DMD: variants seen among roughly 807,000 people sequenced by gnomAD.
DMD encodes the protein mutant dystrophin.
A neutral mutation model predicts 330.1 loss-of-function variants in DMD; 63 were observed. The observed-to-expected ratio is 0.19, with a 90% CI of 0.16 to 0.24. The LOEUF is 0.24. DMD is among the 10% of genes least tolerant of loss of function. The pLI, the probability that DMD is intolerant of heterozygous loss-of-function variation, is 1.00. For missense variants in DMD, 3,344 were observed against 2,684.1 expected, an observed-to-expected ratio of 1.25 and a Z score of -5.43; for synonymous variants, 1,223 against 959.8, an observed-to-expected ratio of 1.27 and a Z score of -5.07.
Position 31,279,973 on chromosome X carries a change from A to G in DMD, c.9225-18957T>C, listed in dbSNP as rs776889005. Among the ~76,000 whole-genome samples the G allele has an allele frequency of 4.4e-5, 5 of 112,504 alleles. No homozygotes were observed. The East Asian group carries it at 1.4e-3, about 31-fold the overall frequency. On this transcript the variant is annotated intron_variant, in intron 62 of 78. Transcript: ENST00000357033. The stretch of plus-strand genomic sequence containing the variant: ...GTTTACTATGTTGTCCTTTACAGAA[A>G]ATGTTTGCTGACCTCAGTGTTAAGC...
chrX:32,988,530 G>C (rs1602439642), intron 2 of DMD, among the ~76,000 whole-genome samples: 1 of 112,253 alleles, frequency 8.9e-6, no homozygotes, highest in Non-Finnish European at 1.9e-5. Flanking sequence ...AGGCTGTCAG[G>C]CCAGCCACAT....
chrX:31,672,975 C>T (rs1366040275), intron 53 of DMD, among the ~76,000 whole-genome samples: 1 of 112,448 alleles, frequency 8.9e-6, no homozygotes, highest in African/African-American at 3.2e-5. Context: ...GGAGCTAGGG[C>T]TTTTCCTAGA....
At chrX:33,017,027 T>C (rs954447881) in intron 2 of DMD, among the ~76,000 whole-genome samples, 1 of 111,957 alleles carries the variant, frequency 8.9e-6, no homozygotes, top group African/African-American at 3.2e-5. Flanking sequence ...GAGATAAATA[T>C]TGTTCAGTTA....
intron 11 of DMD, among the ~76,000 whole-genome samples, chrX:32,631,444 C>CA (rs1374326220): frequency 8.9e-6 from 1 of 111,758 alleles, no homozygotes; most frequent in Admixed American, 9.5e-5. Flanking sequence ...GGTGGGTTTG[C>CA]AAGATCCTAT....
intron 44 of DMD, among the ~76,000 whole-genome samples, chrX:32,092,757 T>TTTTA: frequency 1.4e-5 from 1 of 70,421 alleles, no homozygotes; most frequent in Non-Finnish European, 2.7e-5. Context: ...TTTTTTTTTT[T>TTTTA]ATAGAAACAC....
At chrX:31,584,887 C>T in intron 55 of DMD, among the ~76,000 whole-genome samples, 3 of 111,374 alleles carry the variant, frequency 2.7e-5, no homozygotes, top group Non-Finnish European at 5.7e-5. Flanking sequence ...CAGAACAAGG[C>T]TCAGAGGAGA....
At chrX:31,869,808 G>A (rs943040521) in intron 48 of DMD, among the ~76,000 whole-genome samples, 7 of 110,852 alleles carry the variant, frequency 6.3e-5, no homozygotes, top group African/African-American at 9.8e-5. Flanking sequence ...AACCTCTTCC[G>A]TGCCATGCTC....
intron 7 of DMD, among the ~76,000 whole-genome samples, chrX:32,794,865 T>C (rs2076072574): frequency 8.9e-6 from 1 of 111,955 alleles, no homozygotes; most frequent in Admixed American, 9.5e-5. Flanking sequence ...AGCATTTCTA[T>C]ATACCAATAA....
At chrX:33,005,955 C>T (rs1569548464) in intron 2 of DMD, among the ~76,000 whole-genome samples, 1 of 111,334 alleles carries the variant, frequency 9.0e-6, no homozygotes, top group Non-Finnish European at 1.9e-5. Flanking sequence ...TACACACCAG[C>T]AGTGAACAAG....
chrX:31,644,065 T>C (rs2079938424), intron 54 of DMD, among the ~76,000 whole-genome samples: 1 of 111,689 alleles, frequency 9.0e-6, no homozygotes, highest in Non-Finnish European at 1.9e-5. Context: ...CTTTCAAAGT[T>C]AGAATAATAA....
intron 44 of DMD, among the ~76,000 whole-genome samples, chrX:32,175,224 G>C (rs1264456831): frequency 9.0e-6 from 1 of 111,124 alleles, no homozygotes; most frequent in Non-Finnish European, 1.9e-5. Context: ...GAACTTTTCT[G>C]TCTTACAAGA....
chrX:31,343,406 C>T lies in DMD; in HGVS notation c.9163+5150G>A, dbSNP rs192353019. On this transcript the variant is annotated intron_variant, in intron 61 of 78. Transcript: ENST00000357033. ...CGGAGAAGGGTCATATTTCACAATG[C>T]TTTTCTCTTCTCATTTTCTCTTAGA... Among the ~76,000 whole-genome samples, 508 of 111,136 alleles carry T rather than the reference C, an allele frequency of 4.6e-3. 3 individuals carry two copies. The highest frequency in any genetic ancestry group is 8.6e-3 in the Admixed American group (89 of 10,368).
At chrX:32,589,244 T>TA (rs2054617488) in intron 13 of DMD, among the ~76,000 whole-genome samples, 1 of 111,610 alleles carries the variant, frequency 9.0e-6, no homozygotes, top group African/African-American at 3.3e-5. Flanking sequence ...CCTGCTAAGA[T>TA]AGAGTACCAA....
At chrX:31,636,548 G>A (rs947245124) in intron 54 of DMD, among the ~76,000 whole-genome samples, 1 of 111,117 alleles carries the variant, frequency 9.0e-6, no homozygotes, top group African/African-American at 3.3e-5. Context: ...TTTCAGGGAA[G>A]CTGGGTGAGT....
At chrX:31,222,211 A>C (rs1162270904) in intron 64 of DMD, among the ~76,000 whole-genome samples, 7 of 104,327 alleles carry the variant, frequency 6.7e-5, no homozygotes, top group Non-Finnish European at 1.2e-4. Flanking sequence ...AAAACAAAAC[A>C]AACAAACAAA....
intron 34 of DMD, among the ~76,000 whole-genome samples, chrX:32,370,615 A>T (rs1483000635): frequency 1.8e-5 from 2 of 110,789 alleles, no homozygotes; most frequent in African/African-American, 6.5e-5. Flanking sequence ...CAGCTGCTTG[A>T]TGCATTCATT....
chrX:31,167,896 C>T (rs1014841167), intron 74 of DMD, among the ~76,000 whole-genome samples: 1 of 111,796 alleles, frequency 8.9e-6, no homozygotes, highest in Non-Finnish European at 1.9e-5. Flanking sequence ...AAGACACACA[C>T]TAGCTCATTA....
intron 53 of DMD, among the ~76,000 whole-genome samples, chrX:31,667,150 A>G (rs919136308): frequency 9.0e-6 from 1 of 111,449 alleles, no homozygotes; most frequent in Non-Finnish European, 1.9e-5. Context: ...TTCAGTCTTT[A>G]CTGGATGTTT....
intron 59 of DMD, among the ~76,000 whole-genome samples, chrX:31,470,387 G>A (rs1201097158): frequency 9.0e-6 from 1 of 111,585 alleles, no homozygotes; most frequent in African/African-American, 3.3e-5. Flanking sequence ...TGATGTTGAT[G>A]CTAGCAGTCA....
Sources: gnomAD v4.1 joint callset for allele counts (sites outside exome capture counted in the v4.1 genomes callset) on GRCh38, gnomAD v4.1.1 for gene constraint, MANE v1.5 for transcripts, NCBI Gene and HGNC (gene_info 2026-07-23, HGNC 2026-07-21) for gene names.